Variants in SERAC1 observed in about 807,000 individuals in gnomAD.
SERAC1 encodes the protein protein SERAC1.
SERAC1 carries 36 observed loss-of-function variants against 85.7 expected under a neutral mutation model. The ratio of observed to expected loss-of-function variants is 0.42; its 90% confidence interval spans 0.32 to 0.55. The LOEUF is 0.55. SERAC1 is among the 20% of genes least tolerant of loss of function. The pLI, the probability that SERAC1 is intolerant of heterozygous loss-of-function variation, is 0.11. For synonymous variants in SERAC1, 242 were observed against 265.3 expected (o/e 0.91, Z 0.85); for missense variants, 629 against 796.2 (o/e 0.79, Z 2.53).
chr6:158,155,572 A>T (rs1357899892), intron 2 of SERAC1, among the ~76,000 whole-genome samples: 1 of 152,170 alleles, frequency 6.6e-6, no homozygotes, highest in Non-Finnish European at 1.5e-5. Flanking sequence ...TATTGATGAC[A>T]TTTCATACCT....
In SERAC1 at chr6:158,158,464, C is replaced by A. The variant is rs117594352; in HGVS notation, c.-1-100G>T. 5.3e-4 allele frequency: 435 copies of A among 819,240 alleles called. 3 individuals are homozygous for A. The East Asian group carries it at 9.9e-3, about 19-fold the overall frequency. The allele number at this position is 819,240 out of a possible 1,614,324, so 50.7% of individuals were successfully genotyped here. A position where few individuals can be genotyped will look rare whatever the true frequency, so the allele number is the denominator to read the frequency against. On this transcript the variant is annotated intron_variant, in intron 1 of 16. Transcript: ENST00000647468. Reference sequence around the variant, plus strand: ...TGTTACCATCACAGTGGATGACCCACAGAGTTAGCTTTTTCAAGACTACGA... The same window carrying A: ...TGTTACCATCACAGTGGATGACCCAAAGAGTTAGCTTTTTCAAGACTACGA...
intron 15 of SERAC1, 166 bp downstream of exon 15, chr6:158,114,623 T>C: frequency 1.5e-6 from 2 of 1,310,988 alleles, no homozygotes; most frequent in Non-Finnish European, 1.9e-6. Context: ...AATGAGAAAT[T>C]ATCAAAGAAA....
chr6:158,153,482 T>C (rs1354367558), intron 3 of SERAC1, among the ~76,000 whole-genome samples: 2 of 152,186 alleles, frequency 1.3e-5, no homozygotes, highest in African/African-American at 4.8e-5. Flanking sequence ...GTATCTAGAA[T>C]TACATACCTT....
intron 6 of SERAC1, among the ~76,000 whole-genome samples, chr6:158,144,835 T>C (rs1434009678): frequency 6.6e-6 from 1 of 152,230 alleles, no homozygotes; most frequent in East Asian, 1.9e-4. Flanking sequence ...TGTCCATGAA[T>C]ATTTAGTCTG....
At chr6:158,115,540 A>G (rs1477633965) in intron 14 of SERAC1, among the ~76,000 whole-genome samples, 2 of 152,226 alleles carry the variant, frequency 1.3e-5, no homozygotes, top group African/African-American at 2.4e-5. Flanking sequence ...CCTTTGTCTC[A>G]GCAAAAATCC....
At chr6:158,166,222 A>G (rs1200249471) in intron 1 of SERAC1, 2 of 152,192 alleles carry the variant, frequency 1.3e-5, no homozygotes, top group African/African-American at 2.4e-5. Flanking sequence ...CAGATATCTC[A>G]GCAACCATAT....
intron 15 of SERAC1, among the ~76,000 whole-genome samples, chr6:158,114,264 A>T (rs909203859): frequency 2.0e-5 from 3 of 152,230 alleles, no homozygotes; most frequent in African/African-American, 7.2e-5. Flanking sequence ...GAAGGTTTAG[A>T]AGAAATCAAG....
chr6:158,120,319 TA>T lies in SERAC1; in HGVS notation c.1166+105del. ...TTTAGTAAATAAGATATTTGACTTA[TA>T]AGTTATTTAACTTATCTGAATTATG... On this transcript the variant is annotated intron_variant, in intron 11 of 16. Coordinates refer to ENST00000647468, the MANE Select transcript of SERAC1 (RefSeq NM_032861.4). This position sits in a 1 kb window ranked among gnomAD's most constrained non-coding sequence, Gnocchi z 4.4. The T allele has an allele frequency of 8.7e-7, 1 of 1,153,692 alleles. No individual in the cohort carries two copies. Among genetic ancestry groups the T allele is most frequent in the Non-Finnish European group, 1.2e-6 (1 of 835,808 alleles). The allele number at this position is 1,153,692 out of a possible 1,614,324, so 71.5% of individuals were successfully genotyped here.
At chr6:158,136,102 G>A (rs1208772808) in intron 8 of SERAC1, among the ~76,000 whole-genome samples, 2 of 152,076 alleles carry the variant, frequency 1.3e-5, no homozygotes, top group Non-Finnish European at 2.9e-5. Flanking sequence ...GAGCCACTGC[G>A]CCCAGCCAGT....
chr6:158,131,999 C>A (rs750355161), intron 8 of SERAC1, among the ~76,000 whole-genome samples: 1 of 145,324 alleles, frequency 6.9e-6, no homozygotes, highest in African/African-American at 2.5e-5. Flanking sequence ...TGCTACTACT[C>A]GTGTAGAGAG....
chr6:158,166,647 G>T (rs746662852), intron 1 of SERAC1, among the ~76,000 whole-genome samples: 19 of 152,012 alleles, frequency 1.2e-4, no homozygotes, highest in Non-Finnish European at 2.2e-4. Flanking sequence ...ATTTACTTGG[G>T]TCATCTTTTG....
intron 8 of SERAC1, among the ~76,000 whole-genome samples, chr6:158,141,760 C>T (rs1430303026): frequency 9.2e-5 from 14 of 152,164 alleles, no homozygotes; most frequent in Admixed American, 8.5e-4. Context: ...ATAAGAAGGT[C>T]AGCATACAGA....
Position 158,120,369 on chromosome 6 carries a change from G to C in SERAC1, c.1166+56C>G. The C allele has an allele frequency of 6.8e-7, 1 of 1,478,946 alleles. No homozygotes were observed. The highest frequency in any genetic ancestry group is 1.4e-5 in the African/African-American group (1 of 70,544). The allele number at this position is 1,478,946 out of a possible 1,614,324, so 91.6% of individuals were successfully genotyped here. A position where few individuals can be genotyped will look rare whatever the true frequency, so the allele number is the denominator to read the frequency against. On this transcript the variant is annotated intron_variant, in intron 11 of 16. Transcript: ENST00000647468. This position sits in a 1 kb window ranked among gnomAD's most constrained non-coding sequence, Gnocchi z 4.4. ...TGCAGAAATAAGTTAAAAATTTGAG[G>C]CCTCTAGGCTTCACATTTCCAAAGG... is the stretch of plus-strand genomic sequence containing the variant.
chr6:158,132,560 T>C (rs1405875172), intron 8 of SERAC1, among the ~76,000 whole-genome samples: 1 of 152,172 alleles, frequency 6.6e-6, no homozygotes, highest in Non-Finnish European at 1.5e-5. Context: ...TACCCTTGAA[T>C]TATCTATCTC....
chr6:158,144,974 T>C (rs1785018942), intron 6 of SERAC1, among the ~76,000 whole-genome samples: 1 of 152,220 alleles, frequency 6.6e-6, no homozygotes, highest in African/African-American at 2.4e-5. Flanking sequence ...CCAGTCGCCA[T>C]GGTTCAGGCC....
At chr6:158,163,703 C>G (rs1785534819) in intron 1 of SERAC1, among the ~76,000 whole-genome samples, 1 of 151,956 alleles carries the variant, frequency 6.6e-6, no homozygotes, top group Non-Finnish European at 1.5e-5. Flanking sequence ...TATATAAACA[C>G]TGCACTGTTT....
At chr6:158,129,002 A>G (rs1427542794) in intron 9 of SERAC1, among the ~76,000 whole-genome samples, 26 of 152,194 alleles carry the variant, frequency 1.7e-4, no homozygotes, top group Admixed American at 1.7e-3. Flanking sequence ...ATGTACATAC[A>G]GCAATTTTCA....
At chr6:158,146,954 G>C in intron 5 of SERAC1, 41 bp from the exon 6 acceptor site, 1 of 1,594,730 alleles carries the variant, frequency 6.3e-7, no homozygotes, top group South Asian at 1.1e-5. Flanking sequence ...GAAAAGTTAA[G>C]ATAATACTTT....
At chr6:158,152,482 C>A (rs911982441) in intron 3 of SERAC1, among the ~76,000 whole-genome samples, 3 of 152,118 alleles carry the variant, frequency 2.0e-5, no homozygotes, top group African/African-American at 7.2e-5. Context: ...TGCCACTACA[C>A]TCCAGCCAGG....
Sources: allele counts gnomAD v4.1 joint callset (sites outside exome capture counted in the v4.1 genomes callset), GRCh38; gene constraint gnomAD v4.1.1; non-coding constraint Gnocchi (gnomAD v3.1); transcripts MANE v1.5; gene names NCBI Gene and HGNC (gene_info 2026-07-23, HGNC 2026-07-21).